Variants in PPP6R2 observed in about 807,000 individuals in gnomAD.
The protein encoded by PPP6R2 is protein phosphatase 6 regulatory subunit 2.
Under a neutral mutation model 100.2 loss-of-function variants are expected in PPP6R2, and 62 were observed. The observed-to-expected ratio is 0.62, with a 90% CI of 0.50 to 0.76. The LOEUF (loss-of-function observed/expected upper bound fraction) is 0.76, where lower values mean the gene tolerates loss of function less well. Among genes scored for constraint, PPP6R2 ranks in the 30% least tolerant of loss-of-function variants. PPP6R2 has a pLI of 0.00. For synonymous variants in PPP6R2, 525 were observed against 514.7 expected (o/e 1.02, Z -0.27); for missense variants, 1,142 against 1,276.3 (o/e 0.89, Z 1.60).
chr22:50,410,805 C>T (rs914183608), intron 4 of PPP6R2, among the ~76,000 whole-genome samples: 5 of 150,012 alleles, frequency 3.3e-5, no homozygotes, highest in South Asian at 2.1e-4. Context: ...TTTTTGTTTT[C>T]GTTTGAGACA....
the PPP6R2 span, among the ~76,000 whole-genome samples, chr22:50,337,828 G>A: frequency 6.9e-6 from 1 of 145,724 alleles, no homozygotes; most frequent in African/African-American, 2.6e-5. Context: ...TGGGTACAGT[G>A]TGTGTGTGGG....
chr22:50,338,838 G>GAT, upstream of PPP6R2, among the ~76,000 whole-genome samples: 1 of 147,560 alleles, frequency 6.8e-6, no homozygotes, highest in Non-Finnish European at 1.5e-5. Flanking sequence ...TGTGTGGTGT[G>GAT]TGTGTGGTGT....
intron 1 of PPP6R2, among the ~76,000 whole-genome samples, chr22:50,357,956 A>T (rs942494122): frequency 6.6e-6 from 1 of 151,172 alleles, no homozygotes; most frequent in Non-Finnish European, 1.5e-5. Context: ...AAATTTTTTA[A>T]ATTTTAATTT....
chr22:50,352,734 C>CAA lies in PPP6R2; in HGVS notation c.-148+9188_-148+9189dup, dbSNP rs1279904743. Among the ~76,000 whole-genome samples the CAA allele has an allele frequency of 2.9e-3, 334 of 115,514 alleles. 1 individual carries two copies. Among genetic ancestry groups the CAA allele is most frequent in the African/African-American group, 0.011 (303 of 28,342 alleles). 75.8% of individuals were successfully genotyped at this position (115,514 alleles called of 152,430 possible). A position where few individuals can be genotyped will look rare whatever the true frequency, so the allele number is the denominator to read the frequency against. ...GCGAGACTCTGTCTCAAAACAAAAA[C>CAA]AAAAACAAAAAAAAAAAACACACAA... On this transcript the variant is annotated intron_variant, in intron 1 of 23. Transcript: ENST00000612753.
chr22:50,430,106 G>T (rs985751126), intron 10 of PPP6R2, among the ~76,000 whole-genome samples: 1 of 152,252 alleles, frequency 6.6e-6, no homozygotes, highest in Non-Finnish European at 1.5e-5. Context: ...AGACGGCAGT[G>T]GGGGGCGAGT....
the PPP6R2 span, among the ~76,000 whole-genome samples, chr22:50,330,780 A>G: frequency 1.3e-5 from 2 of 151,818 alleles, no homozygotes; most frequent in African/African-American, 4.8e-5. Context: ...GCTTAGAGTC[A>G]GAGAAGTCAA....
chr22:50,425,181 G>A (rs2061925188), intron 10 of PPP6R2, among the ~76,000 whole-genome samples: 1 of 152,120 alleles, frequency 6.6e-6, no homozygotes, highest in Non-Finnish European at 1.5e-5. Flanking sequence ...CACAGTCTCT[G>A]GCAACCACCA....
rs376193660 is a variant in PPP6R2, at chr22:50,419,357, G to T, written c.740G>T (p.Cys247Phe). The change falls in exon 8 of 24, where the codon TGT becomes TTT. Residue 247 changes from cysteine (C) to phenylalanine (F), a missense_variant. Coordinates refer to ENST00000612753, the MANE Select transcript of PPP6R2 (RefSeq NM_001242898.2). ...PLLTALESQDCVEQLLKNMFD... is the reference protein window; with the variant it reads ...PLLTALESQDFVEQLLKNMFD... ...CTGTGTGTGTCCAGCAGGCAGGACTGTGTGGAGCAGCTTCTGAAGAACATG... is the reference window on the plus strand; with the variant it reads ...CTGTGTGTGTCCAGCAGGCAGGACTTTGTGGAGCAGCTTCTGAAGAACATG... 6 of 1,614,122 alleles carry T rather than the reference G, an allele frequency of 3.7e-6. No individual in the cohort carries two copies. The highest frequency in any genetic ancestry group is 5.1e-6 in the Non-Finnish European group (6 of 1,179,966).
At position 50,438,180 on chromosome 22, in the gene PPP6R2, G is replaced by A. The variant is rs201999560; in HGVS notation, c.1846G>A (p.Ala616Thr). 1.4e-5 allele frequency: 22 copies of A among 1,612,594 alleles called. No homozygotes were observed. Among genetic ancestry groups the A allele is most frequent in the South Asian group, 4.4e-5 (4 of 90,918 alleles). ...NIDADEDSPS[A>T]ALFEACCSDR... ...TTGGCGTTTTACTCTGCAGCCCAGC[G>A]CAGCTCTGTTTGAGGCCTGCTGCAG... Residue 616 changes from alanine (A) to threonine (T), a missense_variant, in exon 18 of 24, where the codon GCA (alanine) becomes ACA (threonine). Physicochemically the swap from Ala to Thr is moderately conservative, Grantham distance 58 (BLOSUM62 0). This residue lies in a region of PPP6R2 where 550 missense variants were observed against 517.4 expected (regional missense o/e 1.06). Transcript: ENST00000612753.
chr22:50,337,888 GGT>G, the PPP6R2 span, among the ~76,000 whole-genome samples: 1 of 136,740 alleles, frequency 7.3e-6, no homozygotes, highest in Admixed American at 7.4e-5. Flanking sequence ...TGTGGTGTGT[GGT>G]GTGTGTGGTC....
chr22:50,420,919 A>G (rs932245473), intron 8 of PPP6R2, among the ~76,000 whole-genome samples: 14 of 152,320 alleles, frequency 9.2e-5, no homozygotes, highest in African/African-American at 3.4e-4. Flanking sequence ...GACGATGTCT[A>G]ACTCTCCCAA....
chr22:50,436,652 C>T (rs1440327019), intron 14 of PPP6R2, among the ~76,000 whole-genome samples, 200 bp downstream of exon 14: 1 of 152,240 alleles, frequency 6.6e-6, no homozygotes. Context: ...TGTGCCACAC[C>T]CAGGGCTGGG....
Position 50,374,077 on chromosome 22 carries a change from T to C in PPP6R2, c.-17+1927T>C, listed in dbSNP as rs569939061. ...AAAAACAATTTTTTTAGAGATGGGG[T>C]CTCACTGTGTTGTCCAGACTGGTCT... On this transcript the variant is annotated intron_variant, in intron 2 of 23. Coordinates refer to ENST00000612753, the MANE Select transcript of PPP6R2 (RefSeq NM_001242898.2). Among the ~76,000 whole-genome samples the C allele has an allele frequency of 3.7e-3, 558 of 152,236 alleles. 1 individual carries two copies. Among genetic ancestry groups the C allele is most frequent in the Non-Finnish European group, 6.3e-3 (426 of 68,010 alleles).
rs763273434 is a variant in PPP6R2, at chr22:50,438,231, G to C, written c.1897G>C (p.Asp633His). The C allele has an allele frequency of 7.4e-6, 12 of 1,613,862 alleles. No individual in the cohort carries two copies. In the South Asian group the frequency reaches 1.2e-4, roughly 16 times the overall value. ...TGACCGCATCCAGCCCTTTGATGATGATGAGGACGAGGACATCTGGGAGGA... is the reference window on the plus strand; with the variant it reads ...TGACCGCATCCAGCCCTTTGATGATCATGAGGACGAGGACATCTGGGAGGA... ...CSDRIQPFDD[D>H]EDEDIWEDSD... Residue 633 changes from aspartate (D) to histidine (H), a missense_variant, in exon 18 of 24, where the codon GAT becomes CAT. Asp to His is a moderately conservative substitution (Grantham distance 81). This residue lies in a region of PPP6R2 where 550 missense variants were observed against 517.4 expected (regional missense o/e 1.06). Transcript: ENST00000612753.
chr22:50,416,262 C>G (rs962233550), intron 6 of PPP6R2, 105 bp downstream of exon 6: 13 of 984,806 alleles, frequency 1.3e-5, no homozygotes, highest in Non-Finnish European at 1.9e-5. Flanking sequence ...CATCCCTTTC[C>G]TAAGATGAGG....
At chr22:50,429,107 G>A (rs752338338) in intron 10 of PPP6R2, among the ~76,000 whole-genome samples, 14 of 151,618 alleles carry the variant, frequency 9.2e-5, no homozygotes, top group South Asian at 2.1e-4. Context: ...CTTGGCTCAC[G>A]GCAACCGCCG....
Position 50,437,481 on chromosome 22 carries a change from CCCTCCCTCCCTCCCT to C in PPP6R2, c.1684-22_1684-8del. 1 of 547,226 alleles carries C rather than the reference CCCTCCCTCCCTCCCT, an allele frequency of 1.8e-6. No individual in the cohort carries two copies. Among genetic ancestry groups the C allele is most frequent in the Non-Finnish European group, 3.5e-6 (1 of 282,946 alleles). 33.9% of individuals were successfully genotyped at this position (547,226 alleles called of 1,614,324 possible). On this transcript the variant is annotated splice_polypyrimidine_tract_variant and intron_variant, in intron 15 of 23. Coordinates refer to ENST00000612753, the MANE Select transcript of PPP6R2 (RefSeq NM_001242898.2). ...TCCTCCATGACCGGTGTCTGTCCGT[CCCTCCCTCCCTCCCT>C]CCCTCCCAGGCCTTCTCTGACTACC...
intron 1 of PPP6R2, among the ~76,000 whole-genome samples, chr22:50,351,071 A>T (rs552247807): frequency 3.4e-5 from 3 of 89,090 alleles, no homozygotes; most frequent in Non-Finnish European, 6.0e-5. Flanking sequence ...ACAGAGTTTC[A>T]CTCTTGTTGC....
At chr22:50,381,984 C>T (rs530568406) in intron 2 of PPP6R2, among the ~76,000 whole-genome samples, 63 of 151,994 alleles carry the variant, frequency 4.1e-4, no homozygotes, top group African/African-American at 1.5e-3. Context: ...GTGGACCTTC[C>T]TTTATTCTTG....
Sources: allele counts gnomAD v4.1 joint callset (sites outside exome capture counted in the v4.1 genomes callset), GRCh38; gene constraint gnomAD v4.1.1; regional missense constraint gnomAD v4.1.1; transcripts MANE v1.5; gene names NCBI Gene and HGNC (gene_info 2026-07-23, HGNC 2026-07-21).